Variants in RFX3 observed in about 807,000 individuals in gnomAD.
RFX3 encodes the protein regulatory factor X3, also known as transcription factor RFX3.
Under a neutral mutation model 98.6 loss-of-function variants are expected in RFX3, and 14 were observed. The ratio of observed to expected loss-of-function variants is 0.14; its 90% CI spans 0.09 to 0.22. The LOEUF is 0.22. Ranked by LOEUF, RFX3 falls within the 10% of genes least tolerant of loss-of-function variation. The probability of loss-of-function intolerance (pLI) is 1.00; values close to 1 mark genes in which losing one functional copy is unlikely to be tolerated. For synonymous variants in RFX3, 383 were observed against 328.4 expected, an observed-to-expected ratio of 1.17 and a Z score of -1.80; for missense variants, 639 against 926.9, an observed-to-expected ratio of 0.69 and a Z score of 4.03.
At position 3,222,513 on chromosome 9, in the gene RFX3, T is replaced by A. The variant is rs1434397134; in HGVS notation, c.*2529A>T. ...AAATTAAACAATGATAATAAATACA[T>A]TTAAAGTCATTCAATAAACAAAATG... is the stretch of plus-strand genomic sequence containing the variant. On this transcript the variant is annotated 3_prime_UTR_variant, in exon 17 of 17. Transcript: ENST00000617270. 6.6e-6 allele frequency: 1 copy of A among 152,134 alleles called. No individual in the cohort carries two copies. Among genetic ancestry groups the A allele is most frequent in the Non-Finnish European group, 1.5e-5 (1 of 68,002 alleles). The allele number at this position is 152,134 out of a possible 1,614,324, so 9.4% of individuals were successfully genotyped here.
chr9:3,461,643 A>C (rs1470224702), intron 1 of RFX3, among the ~76,000 whole-genome samples: 6 of 152,036 alleles, frequency 3.9e-5, no homozygotes, highest in African/African-American at 1.4e-4. Context: ...AAATATAAAC[A>C]AAGTATGACT....
chr9:3,302,182 T>C (rs750815420), intron 4 of RFX3, among the ~76,000 whole-genome samples: 1 of 151,734 alleles, frequency 6.6e-6, no homozygotes, highest in Non-Finnish European at 1.5e-5. Context: ...TATGAACAAA[T>C]ATGAAGAAGT....
intron 15 of RFX3, among the ~76,000 whole-genome samples, chr9:3,239,470 G>A (rs1431410688): frequency 6.6e-6 from 1 of 152,230 alleles, no homozygotes; most frequent in African/African-American, 2.4e-5. Context: ...CTGGCAATGT[G>A]TGCTACTGGC....
At chr9:3,229,747 T>C (rs1377122864) in intron 15 of RFX3, among the ~76,000 whole-genome samples, 1 of 152,206 alleles carries the variant, frequency 6.6e-6, no homozygotes, top group Non-Finnish European at 1.5e-5. Flanking sequence ...TATTAGAAAT[T>C]CAGATTTCTC....
chr9:3,493,697 A>AT (rs1850903815), intron 1 of RFX3, among the ~76,000 whole-genome samples: 60 of 122,652 alleles, frequency 4.9e-4, no homozygotes, highest in Middle Eastern at 3.9e-3. Flanking sequence ...AAAAAAAAAA[A>AT]AAAATATATA....
chr9:3,236,019 T>C (rs1819107100), intron 15 of RFX3, among the ~76,000 whole-genome samples: 1 of 152,196 alleles, frequency 6.6e-6, no homozygotes. Flanking sequence ...TTTTTTTTTC[T>C]AGTATTGGAG....
At chr9:3,303,228 T>C (rs1004452671) in intron 4 of RFX3, among the ~76,000 whole-genome samples, 3 of 151,892 alleles carry the variant, frequency 2.0e-5, no homozygotes, top group Non-Finnish European at 4.4e-5. Flanking sequence ...AAGAGTAATG[T>C]AAATGTAATG....
At chr9:3,488,110 A>G (rs1385996296) in intron 1 of RFX3, among the ~76,000 whole-genome samples, 1 of 152,148 alleles carries the variant, frequency 6.6e-6, no homozygotes, top group African/African-American at 2.4e-5. Context: ...ATACTTCCTT[A>G]CTTCACATAC....
intron 1 of RFX3, among the ~76,000 whole-genome samples, chr9:3,503,795 G>C (rs1816309543): frequency 1.3e-5 from 2 of 151,782 alleles, no homozygotes; most frequent in Admixed American, 6.6e-5. Context: ...CAATGACATT[G>C]TTTCATATAA....
chr9:3,261,664 G>T (rs938013778), intron 13 of RFX3, among the ~76,000 whole-genome samples: 2 of 152,044 alleles, frequency 1.3e-5, no homozygotes, highest in Non-Finnish European at 2.9e-5. Flanking sequence ...TATACAACAA[G>T]GAGTTGAACT....
At chr9:3,456,071 A>G (rs957565628) in intron 1 of RFX3, among the ~76,000 whole-genome samples, 1 of 152,252 alleles carries the variant, frequency 6.6e-6, no homozygotes, top group African/African-American at 2.4e-5. Context: ...AGAAGGCAGA[A>G]GAGCACGCTC....
chr9:3,311,303 A>G (rs552045559), intron 4 of RFX3, among the ~76,000 whole-genome samples: 1 of 152,312 alleles, frequency 6.6e-6, no homozygotes, highest in African/African-American at 2.4e-5. Context: ...CCTGGTTTGC[A>G]TCTTGAGATC....
At chr9:3,312,728 G>T (rs1187552401) in intron 4 of RFX3, among the ~76,000 whole-genome samples, 1 of 152,198 alleles carries the variant, frequency 6.6e-6, no homozygotes, top group African/African-American at 2.4e-5. Flanking sequence ...TCTCATGCCT[G>T]GCTCAGGGGG....
chr9:3,460,335 A>T (rs1352191645), intron 1 of RFX3, among the ~76,000 whole-genome samples: 1 of 152,038 alleles, frequency 6.6e-6, no homozygotes, highest in Non-Finnish European at 1.5e-5. Flanking sequence ...TTAAATCAAC[A>T]CCAATTTAAG....
chr9:3,250,463 A>G (rs1229134823), intron 14 of RFX3, among the ~76,000 whole-genome samples: 2 of 152,094 alleles, frequency 1.3e-5, no homozygotes, highest in South Asian at 2.1e-4. Flanking sequence ...AAAAGACCCA[A>G]TGTTATAGCT....
rs1832913769 is a variant in RFX3 at position 3,334,285 on chromosome 9, T to C, written c.216-3768A>G. 2.7e-5 allele frequency among the ~76,000 whole-genome samples: 4 copies of C among 148,492 alleles called. No individual in the cohort carries two copies. In the South Asian group the frequency reaches 8.5e-4, roughly 32 times the overall value. On this transcript the variant is annotated intron_variant, in intron 3 of 16. Coordinates refer to ENST00000617270, the MANE Select transcript of RFX3 (RefSeq NM_001282116.2). ...TACCCAGAATGAGGCCTGTAGATGA[T>C]GTACTTGCAATTGTAAAGAAGCCAT...
intron 1 of RFX3, among the ~76,000 whole-genome samples, chr9:3,484,083 T>A (rs965098354): frequency 6.6e-6 from 1 of 152,156 alleles, no homozygotes; most frequent in African/African-American, 2.4e-5. Flanking sequence ...ATAAAAACAA[T>A]GTTGCAGATG....
At chr9:3,323,180 A>G (rs943685808) in intron 4 of RFX3, among the ~76,000 whole-genome samples, 2 of 152,242 alleles carry the variant, frequency 1.3e-5, no homozygotes, top group African/African-American at 4.8e-5. Flanking sequence ...ATCAAATCAC[A>G]TGCTTTGGGG....
intron 2 of RFX3, among the ~76,000 whole-genome samples, chr9:3,366,397 G>A (rs1563992725): frequency 1.3e-5 from 2 of 152,076 alleles, no homozygotes; most frequent in African/African-American, 2.4e-5. Context: ...ATACATACAC[G>A]CACCAACTAC....
Sources: gnomAD v4.1 joint callset for allele counts (sites outside exome capture counted in the v4.1 genomes callset) on GRCh38, gnomAD v4.1.1 for gene constraint, MANE v1.5 for transcripts, NCBI Gene and HGNC (gene_info 2026-07-23, HGNC 2026-07-21) for gene names.